Variants in CRYL1 observed in about 807,000 individuals in gnomAD.
The protein encoded by CRYL1 is lambda-crystallin homolog.
CRYL1 carries 29 observed loss-of-function variants against 36.6 expected under a neutral mutation model. That is an observed-to-expected ratio of 0.79 (90% CI 0.59 to 1.08). CRYL1 has a LOEUF of 1.08. Among genes scored for constraint, CRYL1 ranks in the 50% least tolerant of loss-of-function variants. CRYL1 has a pLI of 0.00. For missense variants in CRYL1, 411 were observed against 407.9 expected (o/e 1.01, Z -0.06); for synonymous variants, 152 against 151.5 (o/e 1.00, Z -0.02).
At chr13:20,482,033 C>G (rs926987694) in intron 3 of CRYL1, among the ~76,000 whole-genome samples, 1 of 152,152 alleles carries the variant, frequency 6.6e-6, no homozygotes, top group South Asian at 2.1e-4. Flanking sequence ...CCCCCACCCC[C>G]ACACCCATCT....
In CRYL1 at chr13:20,404,191, G is replaced by A. The variant is rs758727188; in HGVS notation, c.898C>T (p.Gln300Ter). Reference sequence around the variant, plus strand: ...CTCATGAGGCACTCGTCCCTCCACTGCCTCCTGGCAGCTAAGTGCTCCGGG... The same window carrying A: ...CTCATGAGGCACTCGTCCCTCCACTACCTCCTGGCAGCTAAGTGCTCCGGG... The part of the protein sequence containing the change: ...DDPEHLAARR[Q>*]WRDECLMRLA... The change falls in exon 8 of 8, where the codon CAG (glutamine) becomes TAG (stop). Residue 300 changes from glutamine to a stop codon, truncating the protein, a stop_gained. Transcript: ENST00000298248. LOFTEE classifies it high-confidence loss of function. 3 of 1,614,036 alleles carry A rather than the reference G, an allele frequency of 1.9e-6. No individual in the cohort carries two copies. The highest frequency in any genetic ancestry group is 1.7e-5 in the Admixed American group (1 of 60,016).
At chr13:20,467,658 T>C (rs976804162) in intron 3 of CRYL1, among the ~76,000 whole-genome samples, 1 of 152,084 alleles carries the variant, frequency 6.6e-6, no homozygotes, top group Admixed American at 6.5e-5. Flanking sequence ...CCATCGCTAC[T>C]AAAAATACAA....
At chr13:20,458,429 A>C (rs2032733142) in intron 3 of CRYL1, among the ~76,000 whole-genome samples, 1 of 152,228 alleles carries the variant, frequency 6.6e-6, no homozygotes, top group Admixed American at 6.5e-5. Flanking sequence ...ACCCTTTGAA[A>C]TCTTAACATC....
intron 3 of CRYL1, among the ~76,000 whole-genome samples, chr13:20,462,935 C>T (rs1008072260): frequency 2.6e-5 from 4 of 152,160 alleles, no homozygotes; most frequent in East Asian, 1.9e-4. Context: ...GTACCTGGTA[C>T]GCAGCAAGCA....
At chr13:20,483,891 A>C (rs544510828) in intron 3 of CRYL1, among the ~76,000 whole-genome samples, 1 of 152,104 alleles carries the variant, frequency 6.6e-6, no homozygotes, top group African/African-American at 2.4e-5. Flanking sequence ...ATCTTGGCTC[A>C]CTGCAACCTC....
chr13:20,506,759 G>T (rs2033801130), intron 2 of CRYL1, among the ~76,000 whole-genome samples: 1 of 152,190 alleles, frequency 6.6e-6, no homozygotes, highest in South Asian at 2.1e-4. Context: ...AATGATAACA[G>T]AATTGAAAAG....
At chr13:20,519,524 A>C (rs2034058587) in intron 1 of CRYL1, among the ~76,000 whole-genome samples, 1 of 147,372 alleles carries the variant, frequency 6.8e-6, no homozygotes, top group Non-Finnish European at 1.5e-5. Flanking sequence ...GCACTTTAGG[A>C]GGCTGAAGTA....
intron 3 of CRYL1, among the ~76,000 whole-genome samples, chr13:20,449,412 G>T (rs370676278): frequency 6.6e-6 from 1 of 151,986 alleles, no homozygotes; most frequent in East Asian, 1.9e-4. Context: ...TATAAATAAT[G>T]AATCAATAGT....
At chr13:20,506,473 T>C (rs1176882304) in intron 2 of CRYL1, among the ~76,000 whole-genome samples, 1 of 152,046 alleles carries the variant, frequency 6.6e-6, no homozygotes, top group Non-Finnish European at 1.5e-5. Context: ...CCAATGATAT[T>C]AAGAAATACA....
intron 4 of CRYL1, among the ~76,000 whole-genome samples, chr13:20,434,811 C>T (rs1330745879): frequency 6.6e-6 from 1 of 151,830 alleles, no homozygotes; most frequent in African/African-American, 2.4e-5. Flanking sequence ...CCACCAAGAC[C>T]AACTCCGGAC....
intron 4 of CRYL1, among the ~76,000 whole-genome samples, chr13:20,433,573 A>T (rs1010314540): frequency 3.3e-5 from 5 of 152,214 alleles, no homozygotes; most frequent in Admixed American, 6.5e-5. Flanking sequence ...CTGTTTCCAA[A>T]TAGACAGATG....
chr13:20,489,194 C>T (rs1009462582), intron 3 of CRYL1, among the ~76,000 whole-genome samples, 176 bp downstream of exon 3: 6 of 152,050 alleles, frequency 3.9e-5, no homozygotes, highest in African/African-American at 7.2e-5. Context: ...TGATGAGAAC[C>T]CAGGATAGAG....
chr13:20,408,508 C>T (rs1157263000), intron 6 of CRYL1, among the ~76,000 whole-genome samples: 1 of 152,218 alleles, frequency 6.6e-6, no homozygotes, highest in East Asian at 1.9e-4. Context: ...TCTCTCTCTA[C>T]TGACCTGCGA....
intron 5 of CRYL1, among the ~76,000 whole-genome samples, chr13:20,430,088 G>A (rs943439973): frequency 3.9e-5 from 6 of 151,996 alleles, no homozygotes; most frequent in Non-Finnish European, 7.4e-5. Flanking sequence ...TGTGGGGCTC[G>A]GGGTGCCTGG....
chr13:20,426,356 GCCTCAGCTT>G (rs1449938696), intron 5 of CRYL1, among the ~76,000 whole-genome samples: 1 of 151,012 alleles, frequency 6.6e-6, no homozygotes, highest in Non-Finnish European at 1.5e-5. Context: ...CAATCCCCCT[GCCTCAGCTT>G]CCTCGGTAGC....
At chr13:20,505,381 A>AAAAAAAT (rs1292225610) in intron 2 of CRYL1, among the ~76,000 whole-genome samples, 18 of 138,826 alleles carry the variant, frequency 1.3e-4, no homozygotes, top group African/African-American at 4.9e-4. Context: ...AAAAAAAAAA[A>AAAAAAAT]ATCAGAATAT....
intron 5 of CRYL1, chr13:20,419,040 A>T (rs545675192): frequency 6.6e-6 from 1 of 152,146 alleles, no homozygotes; most frequent in South Asian, 2.1e-4. Flanking sequence ...ACCCCAGGGC[A>T]GCGGCCAAGA....
intron 4 of CRYL1, among the ~76,000 whole-genome samples, chr13:20,438,740 G>A (rs2032287374): frequency 6.6e-6 from 1 of 152,188 alleles, no homozygotes; most frequent in Non-Finnish European, 1.5e-5. Context: ...ACCTGGTGGT[G>A]CCAAGGGTGT....
At chr13:20,462,110 G>A (rs2032839132) in intron 3 of CRYL1, among the ~76,000 whole-genome samples, 1 of 148,040 alleles carries the variant, frequency 6.8e-6, no homozygotes, top group Non-Finnish European at 1.5e-5. Flanking sequence ...GATGGGGTGG[G>A]AGGATGGCCT....
Sources: gnomAD v4.1 joint callset for allele counts (sites outside exome capture counted in the v4.1 genomes callset) on GRCh38, gnomAD v4.1.1 for gene constraint, MANE v1.5 for transcripts, NCBI Gene and HGNC (gene_info 2026-07-23, HGNC 2026-07-21) for gene names.